Variants in CLIP4 observed in about 807,000 individuals in gnomAD.
CLIP4 encodes CAP-Gly domain containing linker protein family member 4.
In CLIP4, 47 loss-of-function variants were observed where a neutral mutation model predicts 73.1. The ratio of observed to expected loss-of-function variants is 0.64; its 90% CI spans 0.51 to 0.82. The LOEUF (loss-of-function observed/expected upper bound fraction) is 0.82. CLIP4 is among the 40% of genes least tolerant of loss of function. CLIP4 has a pLI of 0.00. For missense variants in CLIP4, 874 were observed against 852.9 expected, an observed-to-expected ratio of 1.02 and a Z score of -0.31; for synonymous variants, 306 against 295.4, an observed-to-expected ratio of 1.04 and a Z score of -0.37.
chr2:29,160,991 T>C (rs1391113068), intron 12 of CLIP4, among the ~76,000 whole-genome samples: 2 of 152,124 alleles, frequency 1.3e-5, no homozygotes, highest in African/African-American at 2.4e-5. Flanking sequence ...TTTTTTTTTT[T>C]GAGACGGAGC....
At chr2:29,139,151 C>G (rs960812861) in intron 6 of CLIP4, among the ~76,000 whole-genome samples, 1 of 150,528 alleles carries the variant, frequency 6.6e-6, no homozygotes, top group African/African-American at 2.4e-5. Flanking sequence ...ATAGATGGCT[C>G]TTAGTATTTT....
At chr2:29,174,246 C>T (rs1167657102) in intron 14 of CLIP4, 127 bp from the exon 15 acceptor site, 2 of 835,260 alleles carry the variant, frequency 2.4e-6, no homozygotes, top group East Asian at 5.4e-5. Flanking sequence ...GCCACCATGC[C>T]AGCCTGCTGT....
intron 3 of CLIP4, 30 bp from the exon 4 acceptor site, chr2:29,132,122 T>C: frequency 1.3e-6 from 2 of 1,557,202 alleles, no homozygotes; most frequent in South Asian, 2.2e-5. Flanking sequence ...AGTAGTTAGG[T>C]TGTAACCATA....
At chr2:29,130,900 A>C (rs1664926624) in intron 2 of CLIP4, 1 of 1,290,508 alleles carries the variant, frequency 7.7e-7, no homozygotes, top group African/African-American at 1.5e-5. Context: ...GAGTTACCTC[A>C]GCAAGTAGAA....
intron 2 of CLIP4, among the ~76,000 whole-genome samples, chr2:29,123,907 C>A (rs1558519436): frequency 1.3e-5 from 2 of 152,210 alleles, no homozygotes; most frequent in Non-Finnish European, 2.9e-5. Flanking sequence ...TCTTGCATAA[C>A]AATTTTTGGA....
chr2:29,167,405 C>G, intron 13 of CLIP4, 71 bp from the exon 14 acceptor site: 1 of 1,056,140 alleles, frequency 9.5e-7, no homozygotes, highest in East Asian at 2.6e-5. Flanking sequence ...GTGTGAAAAA[C>G]TTAGTTGATA....
intron 14 of CLIP4, among the ~76,000 whole-genome samples, chr2:29,173,743 AC>A (rs1198397269): frequency 6.6e-6 from 1 of 152,152 alleles, no homozygotes; most frequent in Non-Finnish European, 1.5e-5. Context: ...CTTTTTAATA[AC>A]ATCTTTTTAA....
At chr2:29,153,335 C>T (rs1009675333) in intron 9 of CLIP4, among the ~76,000 whole-genome samples, 5 of 152,054 alleles carry the variant, frequency 3.3e-5, no homozygotes, top group Admixed American at 1.3e-4. Context: ...CCATCTTTTA[C>T]GTACATTTTC....
intron 1 of CLIP4, among the ~76,000 whole-genome samples, chr2:29,102,124 T>C (rs55782052): frequency 0.026 from 3,918 of 152,246 alleles, 74 homozygotes; most frequent in South Asian, 0.047. Context: ...GTGGGGTCTC[T>C]AAGAAGGGAG....
chr2:29,111,509 A>G (rs1439535331), upstream of CLIP4, among the ~76,000 whole-genome samples: 2 of 151,958 alleles, frequency 1.3e-5, no homozygotes, highest in Non-Finnish European at 2.9e-5. Context: ...TTATATTCCC[A>G]CTCTGATTAC....
chr2:29,166,318 C>G (rs897011811), intron 13 of CLIP4, among the ~76,000 whole-genome samples: 1 of 151,848 alleles, frequency 6.6e-6, no homozygotes, highest in African/African-American at 2.4e-5. Flanking sequence ...CTGGCCTTTC[C>G]CCCCACCCCT....
chr2:29,145,140 A>T, intron 7 of CLIP4, 92 bp from the exon 8 acceptor site: 1 of 1,103,664 alleles, frequency 9.1e-7, no homozygotes, highest in Non-Finnish European at 1.3e-6. Context: ...GTGAATTTTT[A>T]AAAACTCCCA....
chr2:29,166,530 GACACACACAC>G lies in CLIP4; in HGVS notation c.1659-923_1659-914del, dbSNP rs55833657. On this transcript the variant is annotated intron_variant, in intron 13 of 15. Transcript: ENST00000320081. ...ACTAGGTTAATCACATACACACACA[GACACACACAC>G]ACACACACACACACACACACACTGC... is the stretch of plus-strand genomic sequence containing the variant. Among the ~76,000 whole-genome samples the G allele has an allele frequency of 4.1e-3, 600 of 147,020 alleles. 6 individuals carry two copies. The highest frequency in any genetic ancestry group is 0.014 in the African/African-American group (563 of 40,146).
At chr2:29,134,225 C>T (rs192137869) in intron 5 of CLIP4, among the ~76,000 whole-genome samples, 58 of 152,148 alleles carry the variant, frequency 3.8e-4, no homozygotes, top group African/African-American at 1.3e-3. Flanking sequence ...TTATATAATT[C>T]AACTTAAGGG....
intron 12 of CLIP4, 146 bp downstream of exon 12, chr2:29,160,613 T>G: frequency 2.2e-6 from 2 of 909,492 alleles, no homozygotes; most frequent in Non-Finnish European, 3.3e-6. Context: ...TGTGAAATGA[T>G]GATGAAAACT....
chr2:29,133,303 G>A (rs1296162878), intron 4 of CLIP4, among the ~76,000 whole-genome samples: 1 of 152,222 alleles, frequency 6.6e-6, no homozygotes, highest in Non-Finnish European at 1.5e-5. Flanking sequence ...GGGACTGCCA[G>A]TGGTCCACGG....
intron 1 of CLIP4, among the ~76,000 whole-genome samples, chr2:29,107,518 C>T (rs1417012630): frequency 6.6e-6 from 1 of 150,986 alleles, no homozygotes; most frequent in African/African-American, 2.4e-5. Flanking sequence ...ACTACAGGTG[C>T]CTGCTACCAT....
At chr2:29,121,244 T>C in intron 1 of CLIP4, 130 bp from the exon 2 acceptor site, 1 of 942,342 alleles carries the variant, frequency 1.1e-6, no homozygotes, top group Non-Finnish European at 1.5e-6. Context: ...TTTTTCCCTT[T>C]CATAAAAGAT....
In CLIP4 at chr2:29,164,013, T is replaced by C. The variant is rs572539133; in HGVS notation, c.1658+59T>C. ...ACTTTTTGTAATCTGCAGTGGTTAA[T>C]AGAGACACTAATTTTATATTAAAGA... is the stretch of plus-strand genomic sequence containing the variant. On this transcript the variant is annotated intron_variant, in intron 13 of 15. Coordinates refer to ENST00000320081, the MANE Select transcript of CLIP4 (RefSeq NM_024692.6). 626 of 1,379,992 alleles carry C rather than the reference T, an allele frequency of 4.5e-4. 4 individuals carry two copies. The Middle Eastern group carries it at 6.6e-3, about 15-fold the overall frequency. The allele number at this position is 1,379,992 out of a possible 1,614,324, so 85.5% of individuals were successfully genotyped here.
Sources: gnomAD v4.1 joint callset for allele counts (sites outside exome capture counted in the v4.1 genomes callset) on GRCh38, gnomAD v4.1.1 for gene constraint, MANE v1.5 for transcripts, NCBI Gene and HGNC (gene_info 2026-07-23, HGNC 2026-07-21) for gene names.